Variants in MARCHF1 observed in about 807,000 individuals in gnomAD.
MARCHF1 encodes the protein membrane associated ring-CH-type finger 1.
MARCHF1 carries 40 observed loss-of-function variants against 54.2 expected under a neutral mutation model. That is an observed-to-expected ratio of 0.74 (90% CI 0.57 to 0.96). MARCHF1 has a LOEUF of 0.96. Among genes scored for constraint, MARCHF1 ranks in the 40% least tolerant of loss-of-function variants. The pLI, the probability that MARCHF1 is intolerant of heterozygous loss-of-function variation, is 0.00. For synonymous variants in MARCHF1, 236 were observed against 236.3 expected (o/e 1.00, Z 0.01); for missense variants, 586 against 656.5 (o/e 0.89, Z 1.17).
chr4:163,774,043 C>T (rs1054733056), intron 4 of MARCHF1, among the ~76,000 whole-genome samples: 1 of 152,054 alleles, frequency 6.6e-6, no homozygotes, highest in Non-Finnish European at 1.5e-5. Flanking sequence ...CAATTGTCTC[C>T]CTGTATCTGT....
At chr4:164,153,655 A>G (rs1730001989) in intron 1 of MARCHF1, among the ~76,000 whole-genome samples, 1 of 152,160 alleles carries the variant, frequency 6.6e-6, no homozygotes, top group Non-Finnish European at 1.5e-5. Context: ...CATAGACAAA[A>G]TATGCTGATT....
intron 8 of MARCHF1, among the ~76,000 whole-genome samples, chr4:163,546,466 T>C (rs1326798454): frequency 6.6e-6 from 1 of 152,216 alleles, no homozygotes; most frequent in Non-Finnish European, 1.5e-5. Context: ...GGTACTAGGT[T>C]ATACGTAGTA....
chr4:163,908,595 T>G (rs1751121506), intron 3 of MARCHF1, among the ~76,000 whole-genome samples: 1 of 152,100 alleles, frequency 6.6e-6, no homozygotes, highest in African/African-American at 2.4e-5. Flanking sequence ...GAATGTAGAT[T>G]AGATGATGGG....
chr4:164,196,585 G>T (rs1178589231), intron 1 of MARCHF1, among the ~76,000 whole-genome samples: 2 of 151,546 alleles, frequency 1.3e-5, no homozygotes, highest in East Asian at 3.9e-4. Flanking sequence ...TTAAATCCTG[G>T]AGCTTATTTT....
intron 4 of MARCHF1, among the ~76,000 whole-genome samples, chr4:163,803,693 A>G (rs1278098870): frequency 2.6e-5 from 4 of 151,958 alleles, no homozygotes; most frequent in Non-Finnish European, 5.9e-5. Flanking sequence ...TTTTTCTCTC[A>G]CTGTAATGAT....
intron 1 of MARCHF1, among the ~76,000 whole-genome samples, chr4:164,298,687 TA>T (rs1734474520): frequency 6.6e-6 from 1 of 152,148 alleles, no homozygotes; most frequent in African/African-American, 2.4e-5. Context: ...TAGTATGATA[TA>T]ACTCTAAGGT....
chr4:163,976,473 T>C (rs1410051245), intron 3 of MARCHF1, among the ~76,000 whole-genome samples: 1 of 152,166 alleles, frequency 6.6e-6, no homozygotes, highest in Non-Finnish European at 1.5e-5. Context: ...ACTATGGTGA[T>C]TTTAAAGCAA....
intron 1 of MARCHF1, among the ~76,000 whole-genome samples, chr4:164,306,560 ACCTCTTAGGC>A (rs1734700131): frequency 6.6e-6 from 1 of 152,126 alleles, no homozygotes; most frequent in Admixed American, 6.6e-5. Context: ...AGTTCAGCCT[ACCTCTTAGGC>A]CCTCCCCTGA....
At chr4:164,383,632 CAG>C (rs961990115) in intron 1 of MARCHF1, 56 of 152,456 alleles carry the variant, frequency 3.7e-4, no homozygotes, top group African/African-American at 1.2e-3. Context: ...CTCCTCTCAC[CAG>C]AGAGGCGCCT....
At chr4:164,144,289 A>C (rs1729604628) in intron 1 of MARCHF1, among the ~76,000 whole-genome samples, 1 of 151,844 alleles carries the variant, frequency 6.6e-6, no homozygotes, top group Non-Finnish European at 1.5e-5. Flanking sequence ...AAGGATACCC[A>C]GGAATTGAAC....
chr4:163,894,039 T>C (rs1227458260), intron 3 of MARCHF1, among the ~76,000 whole-genome samples: 1 of 152,162 alleles, frequency 6.6e-6, no homozygotes, highest in African/African-American at 2.4e-5. Context: ...AAGTTGTTTA[T>C]CCATTTCCTC....
chr4:164,381,147 C>T (rs1256174714), intron 1 of MARCHF1, among the ~76,000 whole-genome samples: 1 of 152,190 alleles, frequency 6.6e-6, no homozygotes, highest in African/African-American at 2.4e-5. Context: ...CTGCCCTGGG[C>T]TTTGTGCTAT....
chr4:163,643,148 A>G (rs151236847), intron 5 of MARCHF1, among the ~76,000 whole-genome samples: 2,411 of 128,364 alleles, frequency 0.019, 48 homozygotes, highest in African/African-American at 0.06. Flanking sequence ...CCCTGTATCT[A>G]CTATAAATAC....
chr4:164,280,188 T>C (rs1216855110), intron 1 of MARCHF1, among the ~76,000 whole-genome samples: 3 of 152,030 alleles, frequency 2.0e-5, no homozygotes, highest in Non-Finnish European at 4.4e-5. Context: ...GAAAAGGATA[T>C]ATTGTCAACT....
chr4:164,297,375 T>G (rs1282067200), intron 1 of MARCHF1, among the ~76,000 whole-genome samples: 2 of 152,158 alleles, frequency 1.3e-5, no homozygotes, highest in African/African-American at 4.8e-5. Flanking sequence ...TAAGTCATGT[T>G]GAGAGCATGG....
At chr4:164,369,394 G>T (rs1034445552) in intron 1 of MARCHF1, among the ~76,000 whole-genome samples, 1 of 152,156 alleles carries the variant, frequency 6.6e-6, no homozygotes, top group Non-Finnish European at 1.5e-5. Context: ...GAGCATCAAA[G>T]TGAACACATG....
chr4:163,642,988 CACACATATATAT>C (rs1479034073), intron 5 of MARCHF1, among the ~76,000 whole-genome samples: 310 of 151,822 alleles, frequency 2.0e-3, no homozygotes, highest in Non-Finnish European at 4.0e-3. Context: ...TATATATACA[CACACATATATAT>C]ACACATATAT....
At chr4:164,121,725 G>A (rs577798922) in intron 1 of MARCHF1, among the ~76,000 whole-genome samples, 2 of 152,014 alleles carry the variant, frequency 1.3e-5, no homozygotes, top group Middle Eastern at 3.2e-3. Context: ...AAAGAAAAGC[G>A]CAGGATCTGT....
rs189307750 is a variant in MARCHF1 at position 163,985,616 on chromosome 4, T to G, written c.-39+2885A>C. Among the ~76,000 whole-genome samples, 745 of 152,308 alleles carry G rather than the reference T, an allele frequency of 4.9e-3. 29 individuals carry two copies. The highest frequency in any genetic ancestry group is 7.1e-4 in the Non-Finnish European group (48 of 68,018). On this transcript the variant is annotated intron_variant, in intron 3 of 9. Transcript: ENST00000514618. ...TTAACTATGATTGACAGTTTTCTAA[T>G]TCTTTTCTTCATATGGCTTAAGAAA...
Sources: gnomAD v4.1 joint callset for allele counts (sites outside exome capture counted in the v4.1 genomes callset) on GRCh38, gnomAD v4.1.1 for gene constraint, MANE v1.5 for transcripts, NCBI Gene and HGNC (gene_info 2026-07-23, HGNC 2026-07-21) for gene names.